CATSPERB: variants seen among roughly 807,000 people sequenced by gnomAD.
The protein encoded by CATSPERB is catsper channel auxiliary subunit beta.
A neutral mutation model predicts 128.3 loss-of-function variants in CATSPERB; 93 were observed. The observed-to-expected ratio is 0.72, with a 90% CI of 0.61 to 0.86. The LOEUF (loss-of-function observed/expected upper bound fraction) is 0.86. Among genes scored for constraint, CATSPERB ranks in the 40% least tolerant of loss-of-function variants. CATSPERB has a pLI of 0.00. For missense variants in CATSPERB, 1,153 were observed against 1,329.5 expected (o/e 0.87, Z 2.06); for synonymous variants, 381 against 448.8 (o/e 0.85, Z 1.91).
At chr14:91,607,082 G>T (rs61988660) in intron 22 of CATSPERB, among the ~76,000 whole-genome samples, 5 of 46,540 alleles carry the variant, frequency 1.1e-4, no homozygotes, top group Non-Finnish European at 1.3e-4. Flanking sequence ...TGTGTGTGTG[G>T]GCGGGGGGGG....
At position 91,708,170 on chromosome 14, in the gene CATSPERB, G is replaced by A; in HGVS notation, c.437C>T (p.Thr146Ile). Reference sequence around the variant, plus strand: ...AATAACATCCAATAGAGTTCCTTCAGTAGCATAAATATTTAGTCCATGATG... The same window carrying A: ...AATAACATCCAATAGAGTTCCTTCAATAGCATAAATATTTAGTCCATGATG... Reference protein sequence around the residue: ...TLHHGLNIYATEGTLLDVIRE... With the variant: ...TLHHGLNIYAIEGTLLDVIRE... Residue 146 changes from threonine to isoleucine, a missense_variant, in exon 6 of 27, where the codon ACT (threonine) becomes ATT (isoleucine). By Grantham distance (89) the Thr-to-Ile change is moderately conservative (BLOSUM62 -1). Transcript: ENST00000256343. 6.2e-7 allele frequency: 1 copy of A among 1,610,260 alleles called. No homozygotes were observed. The highest frequency in any genetic ancestry group is 8.5e-7 in the Non-Finnish European group (1 of 1,177,282).
chr14:91,674,833 G>A (rs1435419933), intron 11 of CATSPERB, among the ~76,000 whole-genome samples: 1 of 152,164 alleles, frequency 6.6e-6, no homozygotes, highest in Non-Finnish European at 1.5e-5. Context: ...TGTTCCAGGT[G>A]GAGCATGACT....
chr14:91,656,079 T>G (rs934971076), intron 15 of CATSPERB, among the ~76,000 whole-genome samples: 1 of 152,110 alleles, frequency 6.6e-6, no homozygotes, highest in Non-Finnish European at 1.5e-5. Flanking sequence ...ATGGTATATC[T>G]GGCAAAAATA....
chr14:91,681,060 G>A (rs997832576), intron 11 of CATSPERB, among the ~76,000 whole-genome samples: 5 of 152,098 alleles, frequency 3.3e-5, no homozygotes, highest in East Asian at 1.9e-4. Context: ...CAAGGTAAAC[G>A]GAGTCATATG....
chr14:91,623,922 G>A (rs564070451), intron 18 of CATSPERB, among the ~76,000 whole-genome samples: 1 of 152,284 alleles, frequency 6.6e-6, no homozygotes, highest in East Asian at 1.9e-4. Context: ...GGCAAAATCT[G>A]CAGGAACTTC....
intron 26 of CATSPERB, among the ~76,000 whole-genome samples, chr14:91,583,553 A>C (rs138029693): frequency 1.3e-3 from 196 of 152,312 alleles, no homozygotes; most frequent in African/African-American, 4.4e-3. Context: ...TTTTTCTTCA[A>C]ATGTTTCCCT....
chr14:91,596,695 A>C (rs1196429678), intron 22 of CATSPERB, among the ~76,000 whole-genome samples: 1 of 152,192 alleles, frequency 6.6e-6, no homozygotes, highest in Non-Finnish European at 1.5e-5. Context: ...TTATATCAGA[A>C]TTACAGGAGT....
rs940735916 is a variant in CATSPERB at position 91,664,178 on chromosome 14, A to G, written c.1288-4197T>C. Among the ~76,000 whole-genome samples, 5 of 150,856 alleles carry G rather than the reference A, an allele frequency of 3.3e-5. No homozygotes were observed. In the East Asian group the frequency reaches 9.7e-4, roughly 29 times the overall value. Reference sequence around the variant, plus strand: ...ATAGTTTTGCCTTTTCCAGAATGTCATATATTGGAATCATAAAGTTTGTAG... The same window carrying G: ...ATAGTTTTGCCTTTTCCAGAATGTCGTATATTGGAATCATAAAGTTTGTAG... On this transcript the variant is annotated intron_variant, in intron 14 of 26. Coordinates refer to ENST00000256343, the MANE Select transcript of CATSPERB (RefSeq NM_024764.4).
intron 22 of CATSPERB, chr14:91,604,971 G>A (rs867514395): frequency 8.5e-7 from 1 of 1,176,660 alleles, no homozygotes. Flanking sequence ...AAGTATTTCT[G>A]TCCCTGAAAT....
intron 22 of CATSPERB, among the ~76,000 whole-genome samples, chr14:91,593,757 G>T (rs1893451445): frequency 6.6e-6 from 1 of 152,158 alleles, no homozygotes; most frequent in Non-Finnish European, 1.5e-5. Context: ...AGGGATGATT[G>T]GTTTTAAAAT....
intron 17 of CATSPERB, among the ~76,000 whole-genome samples, chr14:91,627,823 A>C (rs981294774): frequency 6.6e-6 from 1 of 152,114 alleles, no homozygotes; most frequent in African/African-American, 2.4e-5. Context: ...TTAAAAATAA[A>C]ATAAACTAGC....
chr14:91,692,274 C>T (rs929252249), intron 9 of CATSPERB, among the ~76,000 whole-genome samples: 1 of 151,962 alleles, frequency 6.6e-6, no homozygotes, highest in Non-Finnish European at 1.5e-5. Context: ...TTATTTTCTC[C>T]TTTGCCACTC....
intron 17 of CATSPERB, among the ~76,000 whole-genome samples, chr14:91,633,496 A>G (rs1198188571): frequency 6.6e-6 from 1 of 152,184 alleles, no homozygotes; most frequent in Non-Finnish European, 1.5e-5. Context: ...AATATGAGAA[A>G]GAAAAATTAC....
intron 26 of CATSPERB, 88 bp downstream of exon 26, chr14:91,587,114 A>AT (rs1893316401): frequency 9.4e-7 from 1 of 1,067,088 alleles, no homozygotes; most frequent in South Asian, 1.6e-5. Context: ...AATTCTGCCA[A>AT]TTTTTTCTCT....
At chr14:91,728,284 T>G (rs575003930) in intron 2 of CATSPERB, among the ~76,000 whole-genome samples, 3 of 151,908 alleles carry the variant, frequency 2.0e-5, no homozygotes, top group Non-Finnish European at 4.4e-5. Context: ...CTGGCTAAAT[T>G]TTGTATTTTT....
intron 6 of CATSPERB, among the ~76,000 whole-genome samples, chr14:91,705,979 A>G (rs923133434): frequency 7.9e-5 from 12 of 152,346 alleles, no homozygotes; most frequent in African/African-American, 2.9e-4. Context: ...AAAAGAGTAC[A>G]AAAAGTAAGC....
At chr14:91,599,432 G>A (rs867651235) in intron 22 of CATSPERB, among the ~76,000 whole-genome samples, 2 of 151,366 alleles carry the variant, frequency 1.3e-5, no homozygotes, top group Non-Finnish European at 1.5e-5. Context: ...GGTGGCGGGC[G>A]CCTGTAGTCC....
chr14:91,674,093 C>T (rs1895149789), intron 12 of CATSPERB, 83 bp downstream of exon 12: 1 of 782,900 alleles, frequency 1.3e-6, no homozygotes, highest in Non-Finnish European at 2.1e-6. Flanking sequence ...TGTAGAATTG[C>T]CATTTTTTAG....
intron 14 of CATSPERB, among the ~76,000 whole-genome samples, chr14:91,667,728 A>G (rs1895011804): frequency 6.6e-6 from 1 of 151,986 alleles, no homozygotes; most frequent in Non-Finnish European, 1.5e-5. Context: ...TTGTTTTTAC[A>G]CTAACCAGTC....
Sources: gnomAD v4.1 joint callset for allele counts (sites outside exome capture counted in the v4.1 genomes callset) on GRCh38, gnomAD v4.1.1 for gene constraint, MANE v1.5 for transcripts, NCBI Gene and HGNC (gene_info 2026-07-23, HGNC 2026-07-21) for gene names.